Variants in EXOC6B observed in about 807,000 individuals in gnomAD.
EXOC6B encodes exocyst complex component 6B, also known as SEC15 homolog B.
Under a neutral mutation model 113.5 loss-of-function variants are expected in EXOC6B, and 54 were observed. The observed-to-expected ratio is 0.48, with a 90% CI of 0.38 to 0.60. The LOEUF (loss-of-function observed/expected upper bound fraction) is 0.60. EXOC6B is among the 20% of genes least tolerant of loss of function. EXOC6B has a pLI of 0.00. For synonymous variants in EXOC6B, 357 were observed against 339.0 expected (o/e 1.05, Z -0.58); for missense variants, 797 against 977.5 (o/e 0.82, Z 2.46).
intron 19 of EXOC6B, among the ~76,000 whole-genome samples, chr2:72,338,887 T>C (rs1162903861): frequency 2.7e-5 from 4 of 146,014 alleles, no homozygotes. Flanking sequence ...TTTTATAACC[T>C]GAGAGAAGGA....
At chr2:72,304,219 T>C (rs1686697518) in intron 20 of EXOC6B, among the ~76,000 whole-genome samples, 1 of 152,240 alleles carries the variant, frequency 6.6e-6, no homozygotes, top group South Asian at 2.1e-4. Flanking sequence ...CTTCTATTAA[T>C]GGATATTTAA....
intron 1 of EXOC6B, among the ~76,000 whole-genome samples, chr2:72,770,362 C>T (rs188987581): frequency 6.6e-6 from 1 of 152,122 alleles, no homozygotes; most frequent in African/African-American, 2.4e-5. Context: ...GGTCTACAAT[C>T]CCTAATCGAA....
rs138580494 is a variant in EXOC6B at position 72,583,904 on chromosome 2, T to C, written c.670-8236A>G. Among the ~76,000 whole-genome samples the C allele has an allele frequency of 3.2e-4, 49 of 152,158 alleles. No homozygotes were observed. In the East Asian group the frequency reaches 9.5e-3, roughly 29 times the overall value. On this transcript the variant is annotated intron_variant, in intron 6 of 21. Transcript: ENST00000272427. Reference sequence around the variant, plus strand: ...CCCAGCTAATTTTTTGTGTTTTTAATAGAGATGGGGTTTCACCATGTTGGC... The same window carrying C: ...CCCAGCTAATTTTTTGTGTTTTTAACAGAGATGGGGTTTCACCATGTTGGC...
At chr2:72,756,995 C>A (rs1272629436) in intron 1 of EXOC6B, among the ~76,000 whole-genome samples, 1 of 152,100 alleles carries the variant, frequency 6.6e-6, no homozygotes, top group African/African-American at 2.4e-5. Flanking sequence ...AGAAAACCAG[C>A]AAACTAATAC....
intron 20 of EXOC6B, among the ~76,000 whole-genome samples, chr2:72,327,559 A>C (rs1217272438): frequency 6.6e-6 from 1 of 152,040 alleles, no homozygotes; most frequent in Non-Finnish European, 1.5e-5. Context: ...GGCCCATTAA[A>C]TTTTGGTCTT....
intron 18 of EXOC6B, among the ~76,000 whole-genome samples, chr2:72,406,465 T>C (rs1052524403): frequency 6.6e-6 from 1 of 152,106 alleles, no homozygotes; most frequent in South Asian, 2.1e-4. Flanking sequence ...AAAGCACTCC[T>C]CAGCAAATGT....
intron 17 of EXOC6B, among the ~76,000 whole-genome samples, chr2:72,477,765 C>T (rs183339595): frequency 1.1e-4 from 17 of 152,326 alleles, no homozygotes; most frequent in Non-Finnish European, 1.9e-4. Flanking sequence ...GACCCCCTTA[C>T]TATTTCTTGA....
chr2:72,307,696 A>T (rs1686967296), intron 20 of EXOC6B, among the ~76,000 whole-genome samples: 1 of 152,156 alleles, frequency 6.6e-6, no homozygotes, highest in Non-Finnish European at 1.5e-5. Context: ...TTCTACAGCA[A>T]AGGTTCCCTT....
chr2:72,384,941 G>A (rs1691910181), intron 18 of EXOC6B, among the ~76,000 whole-genome samples: 1 of 152,034 alleles, frequency 6.6e-6, no homozygotes, highest in African/African-American at 2.4e-5. Context: ...TCTACCCAAA[G>A]TGATCTACAA....
intron 7 of EXOC6B, among the ~76,000 whole-genome samples, chr2:72,574,417 G>T (rs1284033431): frequency 6.6e-6 from 1 of 152,128 alleles, no homozygotes; most frequent in Non-Finnish European, 1.5e-5. Context: ...AGAGACTACT[G>T]CCTCTACTTA....
intron 6 of EXOC6B, among the ~76,000 whole-genome samples, chr2:72,689,312 C>T (rs1402384794): frequency 6.6e-6 from 1 of 152,100 alleles, no homozygotes; most frequent in East Asian, 1.9e-4. Context: ...ATCTCTAAAC[C>T]CATTGGCTCA....
chr2:72,473,679 A>G (rs1173490445), intron 17 of EXOC6B, among the ~76,000 whole-genome samples: 1 of 152,096 alleles, frequency 6.6e-6, no homozygotes, highest in Non-Finnish European at 1.5e-5. Flanking sequence ...ACCCAAAATT[A>G]TTATTGATAT....
intron 6 of EXOC6B, among the ~76,000 whole-genome samples, chr2:72,577,745 G>A (rs1180109360): frequency 6.6e-6 from 1 of 151,832 alleles, no homozygotes; most frequent in Non-Finnish European, 1.5e-5. Flanking sequence ...GCCCTTCAGA[G>A]ATCTTTTCTA....
At chr2:72,724,135 A>C (rs1680167486) in intron 5 of EXOC6B, among the ~76,000 whole-genome samples, 1 of 152,144 alleles carries the variant, frequency 6.6e-6, no homozygotes, top group African/African-American at 2.4e-5. Flanking sequence ...GGTTCCCTTG[A>C]GTCTGCTAAG....
At chr2:72,409,467 C>G (rs1694017035) in intron 18 of EXOC6B, among the ~76,000 whole-genome samples, 1 of 152,122 alleles carries the variant, frequency 6.6e-6, no homozygotes, top group Non-Finnish European at 1.5e-5. Context: ...GGAACCAACC[C>G]AAATGTCCAA....
At chr2:72,456,635 A>G (rs911070705) in intron 18 of EXOC6B, among the ~76,000 whole-genome samples, 3 of 152,138 alleles carry the variant, frequency 2.0e-5, no homozygotes, top group Non-Finnish European at 1.5e-5. Context: ...CAAAGTACAT[A>G]TCCTCCTTGA....
intron 20 of EXOC6B, among the ~76,000 whole-genome samples, chr2:72,268,534 C>T (rs555237445): frequency 3.9e-5 from 6 of 152,236 alleles, no homozygotes; most frequent in Admixed American, 2.0e-4. Context: ...GGAAAATATA[C>T]AAAGCAACAC....
intron 6 of EXOC6B, among the ~76,000 whole-genome samples, chr2:72,620,153 G>T (rs954097553): frequency 6.6e-5 from 10 of 152,214 alleles, no homozygotes; most frequent in African/African-American, 2.2e-4. Flanking sequence ...CTCCCAAAGG[G>T]ATATGGGCAG....
At chr2:72,297,072 GA>G (rs1455495345) in intron 20 of EXOC6B, among the ~76,000 whole-genome samples, 4 of 152,100 alleles carry the variant, frequency 2.6e-5, no homozygotes, top group Non-Finnish European at 5.9e-5. Context: ...CTTCCCTCCT[GA>G]AACCCTATTC....
Sources: gnomAD v4.1 joint callset for allele counts (sites outside exome capture counted in the v4.1 genomes callset) on GRCh38, gnomAD v4.1.1 for gene constraint, MANE v1.5 for transcripts, NCBI Gene and HGNC (gene_info 2026-07-23, HGNC 2026-07-21) for gene names.